The following CADPS variants were observed in gnomAD, a reference collection of about 807,000 sequenced individuals.
CADPS encodes the protein calcium dependent secretion activator.
In CADPS, 57 loss-of-function variants were observed where a neutral mutation model predicts 167.3. That is an observed-to-expected ratio of 0.34 (90% confidence interval 0.28 to 0.42). CADPS has a LOEUF of 0.42. Ranked by LOEUF, CADPS falls within the 20% of genes least tolerant of loss-of-function variation. The pLI is 1.00. For missense variants in CADPS, 1,414 were observed against 1,738.1 expected (o/e 0.81, Z 3.32); for synonymous variants, 676 against 635.3 (o/e 1.06, Z -0.96).
chr3:62,616,217 A>T (rs2062264437), intron 6 of CADPS, among the ~76,000 whole-genome samples: 1 of 152,226 alleles, frequency 6.6e-6, no homozygotes, highest in Non-Finnish European at 1.5e-5. Context: ...GATTGCTTGT[A>T]AATTTTTATG....
chr3:62,510,746 C>T (rs1258466285), intron 17 of CADPS, among the ~76,000 whole-genome samples: 3 of 152,096 alleles, frequency 2.0e-5, no homozygotes, highest in Admixed American at 6.6e-5. Flanking sequence ...CCTGTAACTC[C>T]GGTGGTGCCC....
At chr3:62,800,009 G>A (rs753850477) in intron 1 of CADPS, among the ~76,000 whole-genome samples, 3 of 152,136 alleles carry the variant, frequency 2.0e-5, no homozygotes, top group Admixed American at 6.6e-5. Context: ...TTTGCTAGCA[G>A]TACCTTATAA....
chr3:62,532,735 GT>G, intron 13 of CADPS, 135 bp downstream of exon 13: 1 of 635,354 alleles, frequency 1.6e-6, no homozygotes, highest in Non-Finnish European at 2.7e-6. Context: ...GTGTGTGTGT[GT>G]GTGTGTGTGT....
intron 3 of CADPS, among the ~76,000 whole-genome samples, chr3:62,670,435 GTCTT>G (rs2075304188): frequency 6.6e-6 from 1 of 152,134 alleles, no homozygotes; most frequent in Non-Finnish European, 1.5e-5. Context: ...GATCATTTGT[GTCTT>G]TCTTTATCAT....
intron 3 of CADPS, among the ~76,000 whole-genome samples, chr3:62,709,075 T>G (rs1399418076): frequency 6.6e-6 from 1 of 152,082 alleles, no homozygotes; most frequent in African/African-American, 2.4e-5. Context: ...AGCTTCTAGA[T>G]TCCCTGTCCC....
At chr3:62,576,791 A>T (rs1439059026) in intron 8 of CADPS, among the ~76,000 whole-genome samples, 3 of 144,842 alleles carry the variant, frequency 2.1e-5, no homozygotes, top group Non-Finnish European at 3.0e-5. Context: ...CTCTGTCTAA[A>T]AAAAAAAAAA....
intron 1 of CADPS, among the ~76,000 whole-genome samples, chr3:62,824,911 T>C (rs1184563428): frequency 6.6e-6 from 1 of 152,120 alleles, no homozygotes; most frequent in Non-Finnish European, 1.5e-5. Context: ...ATTACATTTC[T>C]GCTTGGTTAA....
rs767562680 is a variant in CADPS at position 62,458,041 on chromosome 3, C to T, written c.3636+7326G>A. Among the ~76,000 whole-genome samples the T allele has an allele frequency of 4.6e-5, 7 of 151,882 alleles. No individual in the cohort carries two copies. The highest frequency in any genetic ancestry group is 2.1e-4 in the South Asian group (1 of 4,810). On this transcript the variant is annotated intron_variant, in intron 26 of 29. Coordinates refer to ENST00000383710, the MANE Select transcript of CADPS (RefSeq NM_003716.4). The surrounding 1 kb of genome is among the most constrained non-coding windows in gnomAD (Gnocchi z 4.6). ...CACATGTATACCTATGTAACAAACCCGCACATTCTGCACATGTATCCCAGA... is the reference window on the plus strand; with the variant it reads ...CACATGTATACCTATGTAACAAACCTGCACATTCTGCACATGTATCCCAGA...
intron 3 of CADPS, among the ~76,000 whole-genome samples, chr3:62,716,701 C>G (rs1373570926): frequency 2.6e-5 from 4 of 152,156 alleles, no homozygotes; most frequent in African/African-American, 9.7e-5. Flanking sequence ...GGGTATCAGA[C>G]CAATTAACTG....
At chr3:62,808,612 G>A (rs2094231990) in intron 1 of CADPS, among the ~76,000 whole-genome samples, 1 of 152,076 alleles carries the variant, frequency 6.6e-6, no homozygotes, top group South Asian at 2.1e-4. Flanking sequence ...CAGAATCCAT[G>A]GTTTATTCCT....
At chr3:62,426,190 C>T (rs963548009) in intron 28 of CADPS, among the ~76,000 whole-genome samples, 8 of 152,072 alleles carry the variant, frequency 5.3e-5, no homozygotes, top group Non-Finnish European at 1.0e-4. Context: ...CTAGCTTTGT[C>T]GCCAGGCTGG....
chr3:62,399,821 A>T lies in CADPS; in HGVS notation c.3883-236T>A, dbSNP rs1428222066. Among the ~76,000 whole-genome samples the T allele has an allele frequency of 6.6e-6, 1 of 152,270 alleles. No homozygotes were observed. The highest frequency in any genetic ancestry group is 2.4e-5 in the African/African-American group (1 of 41,478). On this transcript the variant is annotated intron_variant, in intron 29 of 29. Transcript: ENST00000383710. The surrounding 1 kb of genome is among the most constrained non-coding windows in gnomAD (Gnocchi z 5.6). ...TAAACTATATTAGATGAGACAAAGC[A>T]AAGAACATAAGCTTGTGTTTATTCA...
intron 1 of CADPS, among the ~76,000 whole-genome samples, chr3:62,843,714 A>G (rs1240078858): frequency 6.6e-6 from 1 of 152,202 alleles, no homozygotes; most frequent in East Asian, 1.9e-4. Flanking sequence ...GGAAGGAGGC[A>G]GAGGCCACTT....
At chr3:62,674,937 A>G (rs1387460885) in intron 3 of CADPS, among the ~76,000 whole-genome samples, 2 of 152,216 alleles carry the variant, frequency 1.3e-5, no homozygotes, top group Admixed American at 1.3e-4. Flanking sequence ...CAAAATAAAT[A>G]TTGAAAAATA....
intron 9 of CADPS, among the ~76,000 whole-genome samples, chr3:62,565,233 G>C (rs1030428577): frequency 1.3e-5 from 2 of 152,186 alleles, no homozygotes; most frequent in African/African-American, 4.8e-5. Context: ...CTCTGGGTTA[G>C]GGTTTGCAGC....
intron 9 of CADPS, among the ~76,000 whole-genome samples, chr3:62,567,721 C>T (rs1041188434): frequency 2.6e-5 from 4 of 151,730 alleles, no homozygotes; most frequent in South Asian, 2.1e-4. Flanking sequence ...ATTACAGGTG[C>T]GAGCCAGCAT....
At position 62,694,400 on chromosome 3, in the gene CADPS, TTTAA is replaced by T. The variant is rs1324980346; in HGVS notation, c.889-32010_889-32007del. On this transcript the variant is annotated intron_variant, in intron 3 of 29. Coordinates refer to ENST00000383710, the MANE Select transcript of CADPS (RefSeq NM_003716.4). ...TGTCAATGTTGTTTACTTTAAACTT[TTTAA>T]TTGTCTTTGTACTTCAGTTAGCACA... Among the ~76,000 whole-genome samples the T allele has an allele frequency of 4.6e-5, 7 of 152,202 alleles. No homozygotes were observed. The East Asian group carries it at 1.4e-3, about 29-fold the overall frequency.
chr3:62,844,206 C>T (rs1241428392), intron 1 of CADPS, among the ~76,000 whole-genome samples: 3 of 152,122 alleles, frequency 2.0e-5, no homozygotes, highest in Non-Finnish European at 4.4e-5. Context: ...TTACCGGCAT[C>T]AACATCTCCC....
intron 23 of CADPS, 57 bp from the exon 24 acceptor site, chr3:62,474,377 GA>G (rs2061002658): frequency 6.4e-7 from 1 of 1,552,086 alleles, no homozygotes; most frequent in African/African-American, 1.4e-5. Flanking sequence ...GCAGGTGGAG[GA>G]GATATTTTCT....
Sources: gnomAD v4.1 joint callset for allele counts (sites outside exome capture counted in the v4.1 genomes callset) on GRCh38, gnomAD v4.1.1 for gene constraint, Gnocchi (gnomAD v3.1) non-coding constraint, MANE v1.5 for transcripts, NCBI Gene and HGNC (gene_info 2026-07-23, HGNC 2026-07-21) for gene names.